The following GPHN variants were observed in gnomAD, a reference collection of about 807,000 sequenced individuals.
GPHN encodes gephyrin.
In GPHN, 17 loss-of-function variants were observed where a neutral mutation model predicts 95.5. The ratio of observed to expected loss-of-function variants is 0.18; its 90% CI spans 0.12 to 0.27. The LOEUF (loss-of-function observed/expected upper bound fraction) is 0.27. Ranked by LOEUF, GPHN falls within the 10% of genes least tolerant of loss-of-function variation. The pLI, the probability that GPHN is intolerant of heterozygous loss-of-function variation, is 1.00. For synonymous variants in GPHN, 320 were observed against 322.5 expected, an observed-to-expected ratio of 0.99 and a Z score of 0.08; for missense variants, 660 against 978.1, an observed-to-expected ratio of 0.67 and a Z score of 4.34.
chr14:67,395,639 G>A, the GPHN span: 15 of 1,543,770 alleles, frequency 9.7e-6, no homozygotes, highest in African/African-American at 4.1e-5. Context: ...GAGGACGCCG[G>A]GCAGCAAAAA....
At chr14:67,226,876 G>A in the GPHN span, among the ~76,000 whole-genome samples, 1 of 152,120 alleles carries the variant, frequency 6.6e-6, no homozygotes, top group African/African-American at 2.4e-5. Context: ...GTATGGTGTG[G>A]AGACAGCGAT....
chr14:66,921,556 A>G (rs1344607296), intron 6 of GPHN, among the ~76,000 whole-genome samples: 2 of 151,976 alleles, frequency 1.3e-5, no homozygotes, highest in Admixed American at 6.6e-5. Flanking sequence ...GAAAGCAATC[A>G]TAGACGACAC....
chr14:67,395,394 G>A, the GPHN span: 2 of 1,612,510 alleles, frequency 1.2e-6, no homozygotes, highest in Non-Finnish European at 1.7e-6. Context: ...GGCAAGTGGG[G>A]CACTCACTGC....
the GPHN span, among the ~76,000 whole-genome samples, chr14:67,233,156 T>A: frequency 2.1e-5 from 2 of 95,628 alleles, no homozygotes; most frequent in Non-Finnish European, 3.5e-5. Context: ...ATTTTATTTT[T>A]TTGGAGACAT....
chr14:66,675,434 G>A (rs975708235), intron 1 of GPHN, among the ~76,000 whole-genome samples: 23 of 152,184 alleles, frequency 1.5e-4, no homozygotes, highest in African/African-American at 4.6e-4. Flanking sequence ...GTGAACCACC[G>A]CTCCCGGCCC....
At chr14:67,625,473 G>A in the GPHN span, among the ~76,000 whole-genome samples, 3 of 152,012 alleles carry the variant, frequency 2.0e-5, no homozygotes, top group African/African-American at 7.3e-5. Flanking sequence ...GAGGTCAGGA[G>A]TTCGAGACCA....
chr14:67,187,215 TAAAA>T, the GPHN span, among the ~76,000 whole-genome samples: 7 of 152,156 alleles, frequency 4.6e-5, no homozygotes, highest in East Asian at 1.9e-4. Context: ...ATTTAAAAAA[TAAAA>T]AAATCATTTA....
At chr14:66,582,260 T>C (rs1566641428) in intron 1 of GPHN, among the ~76,000 whole-genome samples, 1 of 151,968 alleles carries the variant, frequency 6.6e-6, no homozygotes, top group Admixed American at 6.6e-5. Flanking sequence ...TTGCACAAAC[T>C]TACTTGGCCC....
intron 11 of GPHN, among the ~76,000 whole-genome samples, chr14:67,074,196 T>A: frequency 6.6e-6 from 1 of 152,048 alleles, no homozygotes; most frequent in East Asian, 1.9e-4. Flanking sequence ...CTTTTTTTTT[T>A]TTTTAACAAA....
At chr14:66,577,908 A>G (rs1410610825) in intron 1 of GPHN, among the ~76,000 whole-genome samples, 1 of 152,010 alleles carries the variant, frequency 6.6e-6, no homozygotes, top group Non-Finnish European at 1.5e-5. Context: ...TTGGACAGGA[A>G]TCCTATTTTA....
the GPHN span, chr14:67,541,916 C>G: frequency 6.2e-7 from 1 of 1,605,012 alleles, no homozygotes; most frequent in East Asian, 2.2e-5. Context: ...CTGGCAGAAA[C>G]GCTGCCTGAC....
At chr14:66,980,592 CT>C (rs2070592471) in intron 9 of GPHN, among the ~76,000 whole-genome samples, 1 of 151,720 alleles carries the variant, frequency 6.6e-6, no homozygotes, top group Non-Finnish European at 1.5e-5. Context: ...ATATAAAGGT[CT>C]AATTTTATAT....
the GPHN span, chr14:67,346,008 A>T: frequency 1.6e-6 from 1 of 635,202 alleles, no homozygotes; most frequent in East Asian, 2.8e-5. Flanking sequence ...GTAAACATGA[A>T]GTGCCTATCT....
At chr14:67,379,357 C>A in the GPHN span, among the ~76,000 whole-genome samples, 1 of 152,142 alleles carries the variant, frequency 6.6e-6, no homozygotes, top group Non-Finnish European at 1.5e-5. Flanking sequence ...ACAGTAGTAT[C>A]TTTTGATTTG....
At chr14:67,724,958 C>T in the GPHN span, 12 of 1,014,736 alleles carry the variant, frequency 1.2e-5, no homozygotes, top group Admixed American at 5.1e-5. Flanking sequence ...GTGAAAAGCC[C>T]GAAGTGGCAA....
At chr14:67,188,188 G>A in the GPHN span, among the ~76,000 whole-genome samples, 2 of 152,112 alleles carry the variant, frequency 1.3e-5, no homozygotes, top group Non-Finnish European at 2.9e-5. Flanking sequence ...AATTGCTCAC[G>A]GACCTCACTT....
At chr14:67,727,629 C>T in the GPHN span, 62 of 219,042 alleles carry the variant, frequency 2.8e-4, no homozygotes, top group Admixed American at 5.9e-4. Context: ...ATTACAAGCA[C>T]GCAATATCAC....
chr14:66,551,506 A>G (rs1000108504), intron 1 of GPHN, among the ~76,000 whole-genome samples: 5 of 151,244 alleles, frequency 3.3e-5, no homozygotes, highest in Admixed American at 2.6e-4. Context: ...CTAAGTCTTG[A>G]GCTAGAAAGT....
At chr14:66,850,273 C>T (rs913400597) in intron 4 of GPHN, among the ~76,000 whole-genome samples, 4 of 152,058 alleles carry the variant, frequency 2.6e-5, no homozygotes, top group Non-Finnish European at 5.9e-5. Context: ...AATTATTTTG[C>T]TTGGCAAACT....
Sources: gnomAD v4.1 joint callset for allele counts (sites outside exome capture counted in the v4.1 genomes callset) on GRCh38, gnomAD v4.1.1 for gene constraint, MANE v1.5 for transcripts, NCBI Gene and HGNC (gene_info 2026-07-23, HGNC 2026-07-21) for gene names.